Variants in RBM10 observed in about 807,000 individuals in gnomAD.
The protein encoded by RBM10 is RNA-binding protein 10.
A neutral mutation model predicts 84.9 loss-of-function variants in RBM10; 1 was observed. That is an observed-to-expected ratio of 0.01 (90% CI 0.00 to 0.06). The LOEUF (loss-of-function observed/expected upper bound fraction) is 0.06. Ranked by LOEUF, RBM10 falls within the 10% of genes least tolerant of loss-of-function variation. The probability of loss-of-function intolerance (pLI) is 1.00; values close to 1 mark genes in which losing one functional copy is unlikely to be tolerated. For missense variants in RBM10, 438 were observed against 839.0 expected (o/e 0.52, Z 5.90); for synonymous variants, 326 against 344.5 (o/e 0.95, Z 0.60).
At chrX:47,163,872 T>TTTC (rs1556767692) in intron 2 of RBM10, among the ~76,000 whole-genome samples, 1 of 50,826 alleles carries the variant, frequency 2.0e-5, no homozygotes, top group African/African-American at 6.7e-5. Context: ...TTTTTTTTTT[T>TTTC]TTTTTTTTTT....
In RBM10 at chrX:47,185,295, A is replaced by G; in HGVS notation, c.2101-7A>G. 8.3e-7 allele frequency: 1 copy of G among 1,209,601 alleles called. No homozygotes were observed. ...AGTCCCTGAATTTCTGTGTCCCTCC[A>G]CCCCAGGGAGCACTAGCCGAGAGAC... On this transcript the variant is annotated splice_region_variant and splice_polypyrimidine_tract_variant and intron_variant, in intron 18 of 23. Coordinates refer to ENST00000377604, the MANE Select transcript of RBM10 (RefSeq NM_005676.5).
At chrX:47,152,557 C>T (rs1214954525) in intron 2 of RBM10, among the ~76,000 whole-genome samples, 1 of 102,927 alleles carries the variant, frequency 9.7e-6, no homozygotes, top group African/African-American at 3.6e-5. Context: ...AGCAATTCTC[C>T]TGCCTCAGCC....
At position 47,171,198 on chromosome X, in the gene RBM10, G is replaced by A. The variant is rs2147136743; in HGVS notation, c.372G>A (p.Glu124=). 1.7e-6 allele frequency: 2 copies of A among 1,208,969 alleles called. No homozygotes were observed. The highest frequency in any genetic ancestry group is 2.2e-6 in the Non-Finnish European group (2 of 894,527). ...AGGAGGAGGAGGATGAGGAGGAGGAGGAGAAGGCCAGTAACATCGTCATGC... is the reference window on the plus strand; with the variant it reads ...AGGAGGAGGAGGATGAGGAGGAGGAAGAGAAGGCCAGTAACATCGTCATGC... The part of the protein sequence containing the change: ...EEEEEEDEEE[E]EKASNIVMLR... Residue 124 remains glutamate (E), a synonymous_variant, in exon 4 of 24, where the codon GAG becomes GAA. Coordinates refer to ENST00000377604, the MANE Select transcript of RBM10 (RefSeq NM_005676.5).
chrX:47,179,091 T>C lies in RBM10; in HGVS notation c.664-12T>C, dbSNP rs1210814931. 3.7e-5 allele frequency: 44 copies of C among 1,205,239 alleles called. No homozygotes were observed. The highest frequency in any genetic ancestry group is 1.8e-4 in the Admixed American group (8 of 45,398). ...CCCTGCTCCCTCTGACGGCCTGGCC[T>C]GTGCCTCACAGTGTGGCGTCCAGAA... On this transcript the variant is annotated splice_polypyrimidine_tract_variant and intron_variant, in intron 7 of 23. Transcript: ENST00000377604.
At chrX:47,152,262 T>A (rs1932815853) in intron 2 of RBM10, among the ~76,000 whole-genome samples, 1 of 110,915 alleles carries the variant, frequency 9.0e-6, no homozygotes, top group Non-Finnish European at 1.9e-5. Flanking sequence ...ATCCTTGGCA[T>A]TCTTGAGCTA....
intron 3 of RBM10, among the ~76,000 whole-genome samples, chrX:47,170,680 G>C (rs1934580803): frequency 8.9e-6 from 1 of 112,329 alleles, no homozygotes; most frequent in African/African-American, 3.2e-5. Flanking sequence ...CCAGAGAGGA[G>C]AGGAAAATCA....
At chrX:47,176,128 C>T (rs1556776010) in intron 6 of RBM10, among the ~76,000 whole-genome samples, 1 of 111,889 alleles carries the variant, frequency 8.9e-6, no homozygotes, top group Non-Finnish European at 1.9e-5. Context: ...CCTCCCCCTC[C>T]CTGTCTCCCC....
rs1020225513 is a variant in RBM10, at chrX:47,186,255, C to T, written c.2538-3C>T. The stretch of plus-strand genomic sequence containing the variant: ...CCACTCATGCTGTGCACCGCCCCTG[C>T]AGAGACTTCGAGCAGCCTACTCGGG... On this transcript the variant is annotated splice_region_variant and splice_polypyrimidine_tract_variant and intron_variant, in intron 22 of 23. Transcript: ENST00000377604. 4.1e-6 allele frequency: 5 copies of T among 1,210,262 alleles called. No homozygotes were observed. The highest frequency in any genetic ancestry group is 5.6e-6 in the Non-Finnish European group (5 of 894,461).
intron 2 of RBM10, chrX:47,157,339 A>G: frequency 3.1e-6 from 1 of 324,878 alleles, no homozygotes; most frequent in African/African-American, 2.6e-5. Context: ...TAGACCACAC[A>G]GGGTGGCTGT....
At chrX:47,180,598 A>C in intron 12 of RBM10, 92 bp downstream of exon 12, 5 of 1,161,079 alleles carry the variant, frequency 4.3e-6, no homozygotes, top group Non-Finnish European at 5.8e-6. Context: ...CTGGCTTGCT[A>C]TCCATGGATG....
chrX:47,174,849 C>A (rs1360392276), intron 5 of RBM10, among the ~76,000 whole-genome samples, 170 bp from the exon 6 acceptor site: 4 of 109,365 alleles, frequency 3.7e-5, no homozygotes, highest in Non-Finnish European at 5.7e-5. Flanking sequence ...TTGCCCCCCA[C>A]GCCCGCTAGT....
At chrX:47,149,451 C>T in intron 2 of RBM10, among the ~76,000 whole-genome samples, 1 of 111,960 alleles carries the variant, frequency 8.9e-6, no homozygotes, top group East Asian at 2.8e-4. Flanking sequence ...ACCTCTGCCT[C>T]CCGGTTTCAA....
intron 2 of RBM10, among the ~76,000 whole-genome samples, chrX:47,164,837 T>C (rs1191841778): frequency 8.9e-6 from 1 of 112,537 alleles, no homozygotes; most frequent in East Asian, 2.8e-4. Context: ...ATAGCAGCGT[T>C]ATTCACAATG....
intron 2 of RBM10, among the ~76,000 whole-genome samples, chrX:47,168,073 T>C (rs2147124034): frequency 8.9e-6 from 1 of 112,291 alleles, no homozygotes; most frequent in South Asian, 3.6e-4. Flanking sequence ...CATTCTTCTG[T>C]GGCATCTAGT....
rs1170926545 is a variant in RBM10 at position 47,185,306 on chromosome X, C to A, written c.2105C>A (p.Ala702Glu). The change falls in exon 19 of 24, where the codon GCA becomes GAA. Residue 702 changes from alanine (A) to glutamate (E), a missense_variant. Physicochemically the swap from Ala to Glu is moderately radical, Grantham distance 107. Coordinates refer to ENST00000377604, the MANE Select transcript of RBM10 (RefSeq NM_005676.5). Reference protein sequence around the residue: ...AGYAILEKKGALAERQHTSMD... With the variant: ...AGYAILEKKGELAERQHTSMD... The stretch of plus-strand genomic sequence containing the variant: ...TTCTGTGTCCCTCCACCCCAGGGAG[C>A]ACTAGCCGAGAGACAGCACACCAGC... The A allele has an allele frequency of 8.3e-7, 1 of 1,210,980 alleles. No homozygotes were observed. The highest frequency in any genetic ancestry group is 1.8e-5 in the South Asian group (1 of 56,803).
intron 2 of RBM10, among the ~76,000 whole-genome samples, chrX:47,164,135 C>G (rs1933983729): frequency 9.0e-6 from 1 of 110,560 alleles, no homozygotes; most frequent in South Asian, 3.7e-4. Context: ...TCCCAAAGTG[C>G]TGGGATTACA....
In RBM10 at chrX:47,181,345, TCAAGGGCAC is replaced by T. The variant is rs782654303; in HGVS notation, c.1387_1395del (p.Thr463_Gly465del). ...TCTTCCCTCTATGCCCATGGCTACCTCAAGGGCACCAAGGGCCCTGGCATCACTGGAACC... is the reference window on the plus strand; with the variant it reads ...TCTTCCCTCTATGCCCATGGCTACCTCAAGGGCCCTGGCATCACTGGAACC... On this transcript the variant is annotated inframe_deletion, in exon 13 of 24. Transcript: ENST00000377604. The T allele has an allele frequency of 2.5e-6, 3 of 1,201,357 alleles. No homozygotes were observed. The highest frequency in any genetic ancestry group is 1.7e-5 in the African/African-American group (1 of 57,449).
chrX:47,179,070 G>C (rs2147163946), intron 7 of RBM10, 33 bp from the exon 8 acceptor site: 1 of 1,199,459 alleles, frequency 8.3e-7, no homozygotes, highest in African/African-American at 1.7e-5. Context: ...GGAAATCCCT[G>C]CTCCCTCTGA....
chrX:47,173,044 G>A (rs1392285143), intron 4 of RBM10, 84 bp from the exon 5 acceptor site: 7 of 1,203,579 alleles, frequency 5.8e-6, no homozygotes, highest in Non-Finnish European at 6.7e-6. Flanking sequence ...ATGACCCCTC[G>A]GGATCCAGAG....
Sources: gnomAD v4.1 joint callset for allele counts (sites outside exome capture counted in the v4.1 genomes callset) on GRCh38, gnomAD v4.1.1 for gene constraint, MANE v1.5 for transcripts, NCBI Gene and HGNC (gene_info 2026-07-23, HGNC 2026-07-21) for gene names.